PSD3: variants seen among roughly 807,000 people sequenced by gnomAD.
The protein encoded by PSD3 is pleckstrin and Sec7 domain containing 3.
In PSD3, 49 loss-of-function variants were observed where a neutral mutation model predicts 105.5. That is an observed-to-expected ratio of 0.46 (90% CI 0.37 to 0.59). The LOEUF (loss-of-function observed/expected upper bound fraction) is 0.59, where lower values mean the gene tolerates loss of function less well. Among genes scored for constraint, PSD3 ranks in the 20% least tolerant of loss-of-function variants. The pLI is 0.00. For missense variants in PSD3, 1,561 were observed against 1,263.8 expected (o/e 1.24, Z -3.57); for synonymous variants, 557 against 457.8 (o/e 1.22, Z -2.77).
chr8:18,599,878 T>C (rs1248161137), intron 12 of PSD3, among the ~76,000 whole-genome samples: 1 of 152,128 alleles, frequency 6.6e-6, no homozygotes, highest in African/African-American at 2.4e-5. Flanking sequence ...TATACATACA[T>C]ACCTAACATA....
At chr8:18,952,689 T>C (rs939579766) in intron 1 of PSD3, among the ~76,000 whole-genome samples, 2 of 152,204 alleles carry the variant, frequency 1.3e-5, no homozygotes, top group African/African-American at 4.8e-5. Context: ...ATATTTGGAA[T>C]ATAGAAAGCA....
At chr8:18,790,501 A>G (rs1809609920) in intron 8 of PSD3, among the ~76,000 whole-genome samples, 1 of 151,632 alleles carries the variant, frequency 6.6e-6, no homozygotes. Context: ...ATGGGGTTTC[A>G]CCATGTTAGC....
At chr8:18,929,251 CT>C (rs1162588120) in intron 2 of PSD3, among the ~76,000 whole-genome samples, 3 of 110,916 alleles carry the variant, frequency 2.7e-5, no homozygotes, top group African/African-American at 1.1e-4. Flanking sequence ...CACAACAGTG[CT>C]AAAAAAAAAA....
At chr8:18,577,616 A>AT (rs200083361) in intron 12 of PSD3, among the ~76,000 whole-genome samples, 7,392 of 37,058 alleles carry the variant, frequency 0.2, 287 homozygotes, top group South Asian at 0.48. Flanking sequence ...GTTCTTCTTT[A>AT]TCCGTTTAAT....
At chr8:19,013,363 T>C (rs1252481840) in intron 1 of PSD3, among the ~76,000 whole-genome samples, 200 bp downstream of exon 1, 1 of 152,026 alleles carries the variant, frequency 6.6e-6, no homozygotes, top group Non-Finnish European at 1.5e-5. Flanking sequence ...CACCACAAAG[T>C]TGACCCTGCT....
chr8:18,605,326 A>T (rs553005899), intron 11 of PSD3, among the ~76,000 whole-genome samples: 1 of 152,228 alleles, frequency 6.6e-6, no homozygotes, highest in South Asian at 2.1e-4. Flanking sequence ...GATCTTTAAA[A>T]TTTAATGACT....
chr8:18,807,077 A>G (rs1298613979), intron 4 of PSD3, among the ~76,000 whole-genome samples: 3 of 152,176 alleles, frequency 2.0e-5, no homozygotes, highest in Non-Finnish European at 4.4e-5. Context: ...ATCTGAACCT[A>G]AAAAATAGGT....
intron 9 of PSD3, among the ~76,000 whole-genome samples, chr8:18,679,071 T>C (rs1800235382): frequency 2.6e-5 from 3 of 115,350 alleles, no homozygotes; most frequent in South Asian, 6.4e-4. Context: ...AAGAATTTTC[T>C]CCATTTTAAA....
At chr8:18,893,554 C>A (rs922066197) in intron 2 of PSD3, among the ~76,000 whole-genome samples, 3 of 151,992 alleles carry the variant, frequency 2.0e-5, no homozygotes, top group African/African-American at 7.3e-5. Context: ...TCTCAAGTAT[C>A]AAGTAAAGTG....
chr8:18,650,479 C>T (rs1480240565), intron 10 of PSD3, among the ~76,000 whole-genome samples: 2 of 152,230 alleles, frequency 1.3e-5, no homozygotes, highest in Non-Finnish European at 2.9e-5. Flanking sequence ...CTTGGAAAGG[C>T]AAATGGTCAT....
chr8:18,997,729 T>C (rs1187920150), intron 1 of PSD3, among the ~76,000 whole-genome samples: 2 of 151,670 alleles, frequency 1.3e-5, no homozygotes, highest in Admixed American at 1.3e-4. Flanking sequence ...GAAGTATGGC[T>C]CTGCCTCAGG....
intron 1 of PSD3, among the ~76,000 whole-genome samples, chr8:19,040,618 G>A (rs1340221483): frequency 1.3e-5 from 2 of 152,198 alleles, no homozygotes; most frequent in Non-Finnish European, 1.5e-5. Context: ...AATAAAGCAC[G>A]GGCGTTGGGG....
intron 1 of PSD3, among the ~76,000 whole-genome samples, chr8:18,969,511 T>A (rs1036739333): frequency 1.3e-5 from 2 of 152,222 alleles, no homozygotes; most frequent in African/African-American, 4.8e-5. Context: ...GTTAAAAAAA[T>A]TATGTTATAC....
chr8:18,691,237 G>GA (rs1429678529), intron 9 of PSD3, among the ~76,000 whole-genome samples: 32 of 152,214 alleles, frequency 2.1e-4, no homozygotes, highest in African/African-American at 6.5e-4. Context: ...TTTGAACCTG[G>GA]AAAAAAACCT....
At chr8:19,028,129 A>G (rs1282228315) in intron 1 of PSD3, among the ~76,000 whole-genome samples, 1 of 152,144 alleles carries the variant, frequency 6.6e-6, no homozygotes, top group Non-Finnish European at 1.5e-5. Context: ...TTAAAAAAAC[A>G]TTTAGCTTTC....
intron 9 of PSD3, among the ~76,000 whole-genome samples, chr8:18,672,502 C>A (rs1799839918): frequency 6.6e-6 from 1 of 152,174 alleles, no homozygotes; most frequent in African/African-American, 2.4e-5. Flanking sequence ...ATTAAATAAT[C>A]TCACCCAGTG....
intron 12 of PSD3, among the ~76,000 whole-genome samples, chr8:18,588,470 T>C (rs1197297705): frequency 3.4e-4 from 52 of 152,348 alleles, no homozygotes; most frequent in South Asian, 2.1e-4. Flanking sequence ...TGCAGGCTTA[T>C]TCTCATTGTA....
intron 1 of PSD3, among the ~76,000 whole-genome samples, chr8:18,973,193 G>A (rs1044800552): frequency 2.0e-5 from 3 of 152,166 alleles, no homozygotes; most frequent in Admixed American, 2.0e-4. Flanking sequence ...ACTGACACGT[G>A]AAAGTATTGA....
At chr8:18,620,342 G>GTGTT (rs773701352) in intron 11 of PSD3, among the ~76,000 whole-genome samples, 2 of 121,736 alleles carry the variant, frequency 1.6e-5, no homozygotes, top group African/African-American at 6.2e-5. Flanking sequence ...TTGGGTTTGT[G>GTGTT]TTTTTTTTTT....
Sources: allele counts gnomAD v4.1 joint callset (sites outside exome capture counted in the v4.1 genomes callset), GRCh38; gene constraint gnomAD v4.1.1; transcripts MANE v1.5; gene names NCBI Gene and HGNC (gene_info 2026-07-23, HGNC 2026-07-21).